The following ZNF317 variants were observed in gnomAD, a reference collection of about 807,000 sequenced individuals.
ZNF317 encodes KRAB-containing zinc finger protein 317.
A neutral mutation model predicts 23.4 loss-of-function variants in ZNF317; 17 were observed. That is an observed-to-expected ratio of 0.73 (90% confidence interval 0.50 to 1.09). The LOEUF is 1.09. Among genes scored for constraint, ZNF317 ranks in the 50% least tolerant of loss-of-function variants. The probability of loss-of-function intolerance (pLI) is 0.00; values close to 1 mark genes in which losing one functional copy is unlikely to be tolerated. For missense variants in ZNF317, 679 were observed against 796.7 expected (o/e 0.85, Z 1.78); for synonymous variants, 317 against 314.9 (o/e 1.01, Z -0.07).
intron 1 of ZNF317, among the ~76,000 whole-genome samples, chr19:9,147,330 G>GTTTTTT (rs35259257): frequency 6.4e-5 from 7 of 110,174 alleles, no homozygotes; most frequent in African/African-American, 2.3e-4. Flanking sequence ...AATGACACTG[G>GTTTTTT]TTTTTTTTTT....
Position 9,160,115 on chromosome 19 carries a change from A to G in ZNF317, c.470A>G (p.Glu157Gly), listed in dbSNP as rs1370910609. The G allele has an allele frequency of 1.2e-6, 2 of 1,613,846 alleles. No individual in the cohort carries two copies. Among genetic ancestry groups the G allele is most frequent in the Non-Finnish European group, 8.5e-7 (1 of 1,179,706 alleles). The change falls in exon 7 of 7, where the codon GAA becomes GGA. Residue 157 changes from glutamate to glycine, a missense_variant and splice_region_variant. Transcript: ENST00000247956. This position sits in a 1 kb window ranked among gnomAD's most constrained non-coding sequence, Gnocchi z 6.8. Reference sequence around the variant, plus strand: ...CAGCACTTACGTCTTAACCAACAGGAAAGAGCCGGTCTTGGAGAGAAGTCC... The same window carrying G: ...CAGCACTTACGTCTTAACCAACAGGGAAGAGCCGGTCTTGGAGAGAAGTCC... ...GKETPSGVTM[E>G]RAGLGEKSTE...
chr19:9,156,989 G>A (rs2050790804), intron 3 of ZNF317: 7 of 643,932 alleles, frequency 1.1e-5, no homozygotes, highest in Admixed American at 3.0e-5. Context: ...CCCAGAGACG[G>A]GGGGAAATAA....
chr19:9,158,746 C>T lies in ZNF317; in HGVS notation c.386-80C>T. 6.3e-6 allele frequency: 6 copies of T among 955,884 alleles called. No individual in the cohort carries two copies. The South Asian group carries it at 8.1e-5, about 13-fold the overall frequency. The allele number at this position is 955,884 out of a possible 1,614,324, so 59.2% of individuals were successfully genotyped here. A position where few individuals can be genotyped will look rare whatever the true frequency, so the allele number is the denominator to read the frequency against. On this transcript the variant is annotated intron_variant, in intron 5 of 6. Transcript: ENST00000247956. ...TTCCTTACATAGCCTTAGGATCTGC[C>T]AAGAAATCCACCTGTCATTGTCACC...
chr19:9,147,632 C>T lies in ZNF317; in HGVS notation c.-93+7040C>T, dbSNP rs191836220. 4.6e-5 allele frequency among the ~76,000 whole-genome samples: 7 copies of T among 152,258 alleles called. 1 individual carries two copies. Among genetic ancestry groups the T allele is most frequent in the South Asian group, 4.1e-4 (2 of 4,824 alleles). On this transcript the variant is annotated intron_variant, in intron 1 of 6. Coordinates refer to ENST00000247956, the MANE Select transcript of ZNF317 (RefSeq NM_020933.5). Reference sequence around the variant, plus strand: ...GATTACAGGCGTGAGCCACCACGCCCGGCTGATCCTGGTTTTGTTTCATGT... The same window carrying T: ...GATTACAGGCGTGAGCCACCACGCCTGGCTGATCCTGGTTTTGTTTCATGT...
At chr19:9,156,987 C>T (rs79538215) in intron 3 of ZNF317, 19,380 of 638,118 alleles carry the variant, frequency 0.03, 401 homozygotes, top group Non-Finnish European at 0.043. Context: ...GCCCCAGAGA[C>T]GGGGGGAAAT....
intron 1 of ZNF317, among the ~76,000 whole-genome samples, chr19:9,153,300 T>C (rs2050752735): frequency 6.6e-6 from 1 of 150,838 alleles, no homozygotes; most frequent in African/African-American, 2.4e-5. Context: ...TAGCTGGGAT[T>C]ACAGGCATGC....
intron 1 of ZNF317, 35 bp downstream of exon 1, chr19:9,140,627 A>C (rs1443863703): frequency 8.8e-6 from 4 of 454,894 alleles, no homozygotes; most frequent in Admixed American, 2.4e-5. Flanking sequence ...TCTCCCCCTC[A>C]GTTCCAGGGG....
rs1455762618 is a variant in ZNF317, at chr19:9,160,130, G to A, written c.485G>A (p.Gly162Glu). 6.2e-7 allele frequency: 1 copy of A among 1,614,068 alleles called. No homozygotes were observed. Residue 162 changes from glycine (G) to glutamate (E), a missense_variant, in exon 7 of 7, where the codon GGA (glycine) becomes GAA (glutamate). By Grantham distance (98) the Gly-to-Glu change is moderately conservative (BLOSUM62 -2). Transcript: ENST00000247956. The surrounding 1 kb of genome is among the most constrained non-coding windows in gnomAD (Gnocchi z 6.8). ...SGVTMERAGLGEKSTEYAHLF... is the reference protein window; with the variant it reads ...SGVTMERAGLEEKSTEYAHLF... The stretch of plus-strand genomic sequence containing the variant: ...AACCAACAGGAAAGAGCCGGTCTTG[G>A]AGAGAAGTCCACTGAATACGCTCAC...
intron 1 of ZNF317, among the ~76,000 whole-genome samples, chr19:9,140,899 T>TG (rs1196203522): frequency 6.6e-6 from 1 of 151,896 alleles, no homozygotes; most frequent in African/African-American, 2.4e-5. Context: ...TTCAGGAGAT[T>TG]GGGGGGCGTC....
intron 2 of ZNF317, among the ~76,000 whole-genome samples, chr19:9,156,295 C>T (rs1337965929): frequency 2.6e-5 from 4 of 152,046 alleles, no homozygotes; most frequent in Non-Finnish European, 4.4e-5. Context: ...CCTGAGTTAT[C>T]TCATTTATTA....
chr19:9,148,887 G>A (rs1419196287), intron 1 of ZNF317, among the ~76,000 whole-genome samples: 2 of 152,150 alleles, frequency 1.3e-5, no homozygotes, highest in Non-Finnish European at 2.9e-5. Context: ...TGGCCAATGG[G>A]CTGCAAGTGC....
intron 1 of ZNF317, among the ~76,000 whole-genome samples, chr19:9,142,625 T>A (rs2050644159): frequency 2.0e-5 from 3 of 151,984 alleles, no homozygotes; most frequent in Admixed American, 2.0e-4. Flanking sequence ...TATTGATAGT[T>A]TTGTATCTGT....
intron 2 of ZNF317, 81 bp downstream of exon 2, chr19:9,156,122 A>G (rs2050779797): frequency 1.9e-6 from 3 of 1,541,448 alleles, no homozygotes; most frequent in East Asian, 4.5e-5. Context: ...AGATACGTAC[A>G]CCATAGAGGG....
intron 5 of ZNF317, among the ~76,000 whole-genome samples, chr19:9,158,372 T>TC (rs2050810353): frequency 1.9e-5 from 2 of 102,820 alleles, no homozygotes; most frequent in South Asian, 6.4e-4. Context: ...TCTTTTTTTT[T>TC]TTTTTTTTTT....
chr19:9,160,876 A>T lies in ZNF317; in HGVS notation c.1231A>T (p.Ile411Phe). Reference sequence around the variant, plus strand: ...CGTGTCCCGGAGGAAACACATGAGGATTCACATCGTCAAGAAACCCGTGGA... The same window carrying T: ...CGTGTCCCGGAGGAAACACATGAGGTTTCACATCGTCAAGAAACCCGTGGA... ...DLVSRRKHMR[I>F]HIVKKPVECR... Residue 411 changes from isoleucine (I) to phenylalanine (F), a missense_variant, in exon 7 of 7, where the codon ATT becomes TTT. Physicochemically the swap from Ile to Phe is conservative, Grantham distance 21 (BLOSUM62 0). Transcript: ENST00000247956. This position sits in a 1 kb window ranked among gnomAD's most constrained non-coding sequence, Gnocchi z 6.8. 1 of 1,614,064 alleles carries T rather than the reference A, an allele frequency of 6.2e-7. No homozygotes were observed. The highest frequency in any genetic ancestry group is 8.5e-7 in the Non-Finnish European group (1 of 1,179,998).
At chr19:9,148,803 G>A (rs181510311) in intron 1 of ZNF317, among the ~76,000 whole-genome samples, 7 of 152,296 alleles carry the variant, frequency 4.6e-5, no homozygotes, top group Non-Finnish European at 1.0e-4. Context: ...AGATAATAAT[G>A]CTTACCCGGT....
rs771360298 is a variant in ZNF317, at chr19:9,161,201, C to T, written c.1556C>T (p.Thr519Met). ...KAFRNQSTLK[T>M]HMRSHTGEKP... is the part of the protein sequence containing the mutation. ...TTCAGGAACCAGTCAACGCTGAAGA[C>T]GCACATGCGAAGCCACACGGGGGAG... Residue 519 changes from threonine to methionine, a missense_variant, in exon 7 of 7, where the codon ACG (threonine) becomes ATG (methionine). Transcript: ENST00000247956. This position sits in a 1 kb window ranked among gnomAD's most constrained non-coding sequence, Gnocchi z 4.0. 7 of 1,613,170 alleles carry T rather than the reference C, an allele frequency of 4.3e-6. No individual in the cohort carries two copies. The highest frequency in any genetic ancestry group is 5.9e-6 in the Non-Finnish European group (7 of 1,179,748).
intron 1 of ZNF317, among the ~76,000 whole-genome samples, chr19:9,141,082 C>CTT (rs1261514999): frequency 2.0e-5 from 3 of 152,092 alleles, no homozygotes; most frequent in Non-Finnish European, 4.4e-5. Flanking sequence ...TTAGTGGACT[C>CTT]TTGTAAATAG....
intron 6 of ZNF317, among the ~76,000 whole-genome samples, chr19:9,159,641 G>T (rs2050825416): frequency 6.6e-6 from 1 of 151,622 alleles, no homozygotes; most frequent in East Asian, 2.0e-4. Context: ...CCACCTTTCA[G>T]GCTCAAGTGA....
Sources: gnomAD v4.1 joint callset for allele counts (sites outside exome capture counted in the v4.1 genomes callset) on GRCh38, gnomAD v4.1.1 for gene constraint, Gnocchi (gnomAD v3.1) non-coding constraint, MANE v1.5 for transcripts, NCBI Gene and HGNC (gene_info 2026-07-23, HGNC 2026-07-21) for gene names.